Variants in LDB2 observed in about 807,000 individuals in gnomAD.
LDB2 encodes the protein LIM domain-binding protein 2.
A neutral mutation model predicts 44.3 loss-of-function variants in LDB2; 12 were observed. The ratio of observed to expected loss-of-function variants is 0.27; its 90% CI spans 0.17 to 0.44. The LOEUF (loss-of-function observed/expected upper bound fraction) is 0.44, where lower values mean the gene tolerates loss of function less well. Ranked by LOEUF, LDB2 falls within the 20% of genes least tolerant of loss-of-function variation. LDB2 has a pLI of 1.00. For missense variants in LDB2, 344 were observed against 473.5 expected (o/e 0.73, Z 2.54); for synonymous variants, 164 against 174.8 (o/e 0.94, Z 0.49).
At chr4:16,643,739 A>G (rs1405043986) in intron 2 of LDB2, among the ~76,000 whole-genome samples, 1 of 150,330 alleles carries the variant, frequency 6.7e-6, no homozygotes, top group African/African-American at 2.5e-5. Flanking sequence ...TCTTTGGTAC[A>G]GCGTAATTAA....
chr4:16,618,350 T>G (rs1207530720), intron 2 of LDB2, among the ~76,000 whole-genome samples: 1 of 152,198 alleles, frequency 6.6e-6, no homozygotes, highest in African/African-American at 2.4e-5. Flanking sequence ...TCATGGCCTA[T>G]TAGTGTGTGG....
chr4:16,824,996 A>G (rs1200262871), intron 1 of LDB2, among the ~76,000 whole-genome samples: 1 of 152,218 alleles, frequency 6.6e-6, no homozygotes, highest in Non-Finnish European at 1.5e-5. Context: ...GATGCAGAGT[A>G]AATACATGTG....
intron 3 of LDB2, among the ~76,000 whole-genome samples, chr4:16,592,036 G>A (rs2152434086): frequency 6.6e-6 from 1 of 152,248 alleles, no homozygotes; most frequent in Non-Finnish European, 1.5e-5. Flanking sequence ...CATGGCAACA[G>A]AAAAGATGTA....
chr4:16,767,709 G>T (rs898390892), intron 1 of LDB2, among the ~76,000 whole-genome samples: 2 of 152,164 alleles, frequency 1.3e-5, no homozygotes, highest in African/African-American at 4.8e-5. Flanking sequence ...CAGGGGAAGT[G>T]GTTGTTGACA....
chr4:16,757,316 T>A (rs899376668), intron 2 of LDB2, among the ~76,000 whole-genome samples: 1 of 152,146 alleles, frequency 6.6e-6, no homozygotes, highest in African/African-American at 2.4e-5. Context: ...AGACCGTCAA[T>A]CATCTTTGTT....
chr4:16,697,004 G>A (rs1025647101), intron 2 of LDB2, among the ~76,000 whole-genome samples: 10 of 152,152 alleles, frequency 6.6e-5, no homozygotes, highest in Admixed American at 6.5e-4. Flanking sequence ...GGAGGGGACA[G>A]AATATGGAAA....
Position 16,780,206 on chromosome 4 carries a change from A to G in LDB2, c.133-20946T>C, listed in dbSNP as rs1428179142. On this transcript the variant is annotated intron_variant, in intron 1 of 7. Transcript: ENST00000304523. ...TGGACTGAGACTACACAGAAGTGAGATGATTTCTAATTTTTTTTATTTTAT... is the reference window on the plus strand; with the variant it reads ...TGGACTGAGACTACACAGAAGTGAGGTGATTTCTAATTTTTTTTATTTTAT... Among the ~76,000 whole-genome samples the G allele has an allele frequency of 3.3e-5, 5 of 152,258 alleles. No individual in the cohort carries two copies. In the East Asian group the frequency reaches 9.7e-4, roughly 29 times the overall value.
In LDB2 at chr4:16,753,534, G is replaced by A. The variant is rs189356432; in HGVS notation, c.235+5624C>T. Among the ~76,000 whole-genome samples the A allele has an allele frequency of 6.6e-5, 10 of 152,248 alleles. No individual in the cohort carries two copies. The East Asian group carries it at 1.9e-3, about 29-fold the overall frequency. ...TGTAGAAATGGCTCCACAGAGGTGT[G>A]GATTTGTGGTTCTTCAGACTATCTA... is the stretch of plus-strand genomic sequence containing the variant. On this transcript the variant is annotated intron_variant, in intron 2 of 7. Transcript: ENST00000304523.
At chr4:16,672,619 G>A (rs1643870868) in intron 2 of LDB2, among the ~76,000 whole-genome samples, 1 of 152,158 alleles carries the variant, frequency 6.6e-6, no homozygotes, top group Non-Finnish European at 1.5e-5. Context: ...CAGCACAAAG[G>A]CAGATAGATA....
At chr4:16,853,930 T>C (rs928834168) in intron 1 of LDB2, among the ~76,000 whole-genome samples, 1 of 152,064 alleles carries the variant, frequency 6.6e-6, no homozygotes, top group Non-Finnish European at 1.5e-5. Flanking sequence ...TTTTAAAAAA[T>C]TTAAATATAC....
chr4:16,859,159 A>G (rs1177796722), intron 1 of LDB2, among the ~76,000 whole-genome samples: 1 of 152,208 alleles, frequency 6.6e-6, no homozygotes, highest in Admixed American at 6.5e-5. Context: ...GTATAATCAC[A>G]CTACCAATAA....
Position 16,808,658 on chromosome 4 carries a change from A to G in LDB2, c.133-49398T>C, listed in dbSNP as rs369604991. On this transcript the variant is annotated intron_variant, in intron 1 of 7. Transcript: ENST00000304523. ...GCCGAGGTCCATGGATGCCTAGAGAAATAAAGGTTATTGTTTTGTAGTGTG... is the reference window on the plus strand; with the variant it reads ...GCCGAGGTCCATGGATGCCTAGAGAGATAAAGGTTATTGTTTTGTAGTGTG... Among the ~76,000 whole-genome samples the G allele has an allele frequency of 1.2e-4, 18 of 152,264 alleles. No homozygotes were observed. The East Asian group carries it at 2.7e-3, about 23-fold the overall frequency.
At position 16,885,266 on chromosome 4, in the gene LDB2, C is replaced by T. The variant is rs138570377; in HGVS notation, c.132+13088G>A. ...TGTGAGAAATTCGAGTCTTGGAGGT[C>T]GAGGCTGCAGTGAGCCTGTGATCAC... On this transcript the variant is annotated intron_variant, in intron 1 of 7. Transcript: ENST00000304523. Among the ~76,000 whole-genome samples, 359 of 150,842 alleles carry T rather than the reference C, an allele frequency of 2.4e-3. 3 individuals are homozygous for T. Among genetic ancestry groups the T allele is most frequent in the African/African-American group, 8.4e-3 (344 of 41,000 alleles).
At chr4:16,833,490 A>T (rs1361557909) in intron 1 of LDB2, among the ~76,000 whole-genome samples, 1 of 150,196 alleles carries the variant, frequency 6.7e-6, no homozygotes, top group East Asian at 1.9e-4. Context: ...ATCTCCTTTC[A>T]CACTAACAAT....
intron 1 of LDB2, among the ~76,000 whole-genome samples, chr4:16,777,913 A>G (rs1053997035): frequency 1.3e-5 from 2 of 152,108 alleles, no homozygotes; most frequent in African/African-American, 4.8e-5. Context: ...AAGCTTACCA[A>G]CGCCTGACTG....
chr4:16,897,946 G>GTGTATATA (rs1725746627), intron 1 of LDB2, among the ~76,000 whole-genome samples: 1 of 27,950 alleles, frequency 3.6e-5, no homozygotes, highest in Non-Finnish European at 6.2e-5. Flanking sequence ...ATACACATAT[G>GTGTATATA]TATATATATA....
chr4:16,581,963 G>A (rs1714702593), intron 5 of LDB2, among the ~76,000 whole-genome samples: 2 of 139,838 alleles, frequency 1.4e-5, no homozygotes. Context: ...GGAAATAAAA[G>A]AAAGAAGGAA....
Position 16,502,073 on chromosome 4 carries a change from T to TG in LDB2, c.*569dup. The TG allele has an allele frequency of 6.5e-6, 1 of 153,104 alleles. No homozygotes were observed. 9.5% of individuals were successfully genotyped at this position (153,104 alleles called of 1,614,324 possible). ...TCAGCTCAACCATAAATTACCTTGC[T>TG]GGGCCCTCTTAGCTGTTGCCCAATG... On this transcript the variant is annotated 3_prime_UTR_variant, in exon 8 of 8. Coordinates refer to ENST00000304523, the MANE Select transcript of LDB2 (RefSeq NM_001290.5).
chr4:16,693,620 G>T (rs1751396935), intron 2 of LDB2, among the ~76,000 whole-genome samples: 1 of 152,046 alleles, frequency 6.6e-6, no homozygotes, highest in African/African-American at 2.4e-5. Flanking sequence ...TTCTTTTCTT[G>T]CTGAATCTGA....
Sources: gnomAD v4.1 joint callset for allele counts (sites outside exome capture counted in the v4.1 genomes callset) on GRCh38, gnomAD v4.1.1 for gene constraint, MANE v1.5 for transcripts, NCBI Gene and HGNC (gene_info 2026-07-23, HGNC 2026-07-21) for gene names.